Variants in LRRC8A observed in about 807,000 individuals in gnomAD.
The protein encoded by LRRC8A is volume-regulated anion channel subunit LRRC8A.
Under a neutral mutation model 52.5 loss-of-function variants are expected in LRRC8A, and 24 were observed. The observed-to-expected ratio is 0.46, with a 90% CI of 0.33 to 0.64. The LOEUF (loss-of-function observed/expected upper bound fraction) is 0.64. Ranked by LOEUF, LRRC8A falls within the 30% of genes least tolerant of loss-of-function variation. The pLI, the probability that LRRC8A is intolerant of heterozygous loss-of-function variation, is 0.02. For missense variants in LRRC8A, 677 were observed against 1,094.7 expected (o/e 0.62, Z 5.38); for synonymous variants, 492 against 494.2 (o/e 1.00, Z 0.06).
intron 2 of LRRC8A, among the ~76,000 whole-genome samples, chr9:128,896,205 A>G (rs2130968506): frequency 6.6e-6 from 1 of 152,320 alleles, no homozygotes; most frequent in East Asian, 1.9e-4. Flanking sequence ...TGTTTTTTGG[A>G]TCAACATTGC....
intron 2 of LRRC8A, among the ~76,000 whole-genome samples, chr9:128,888,191 CTGT>C (rs1839471367): frequency 1.3e-5 from 2 of 152,174 alleles, no homozygotes; most frequent in Non-Finnish European, 2.9e-5. Context: ...TTGAGGAACT[CTGT>C]CCCCTGGAGA....
intron 2 of LRRC8A, among the ~76,000 whole-genome samples, chr9:128,898,722 G>A (rs1839917210): frequency 6.6e-6 from 1 of 152,256 alleles, no homozygotes; most frequent in African/African-American, 2.4e-5. Context: ...GAGAGGTGAA[G>A]TCACCTGCCC....
chr9:128,903,961 G>GAGGTTGCA (rs1339982951), intron 2 of LRRC8A, among the ~76,000 whole-genome samples: 2 of 152,256 alleles, frequency 1.3e-5, no homozygotes, highest in East Asian at 3.9e-4. Context: ...CCAGGAGGCA[G>GAGGTTGCA]AGGTTGCAGT....
chr9:128,906,611 C>T (rs904043350), intron 2 of LRRC8A, among the ~76,000 whole-genome samples: 4 of 152,136 alleles, frequency 2.6e-5, no homozygotes, highest in African/African-American at 9.7e-5. Flanking sequence ...ACGTGAACCA[C>T]GTGGAATTTT....
rs745809785 is a variant in LRRC8A, at chr9:128,908,436, G to A, written c.1272G>A (p.Ala424=). 3.7e-5 allele frequency: 60 copies of A among 1,613,308 alleles called. No individual in the cohort carries two copies. Among genetic ancestry groups the A allele is most frequent in the Middle Eastern group, 1.6e-4 (1 of 6,084 alleles). ...DKLRQRLTKN[A]QDKLELHLFM... The stretch of plus-strand genomic sequence containing the variant: ...TCCGGCAGCGGCTCACCAAGAACGC[G>A]CAGGACAAGCTGGAGCTGCACCTGT... The change falls in exon 3 of 4, where the codon GCG becomes GCA. Residue 424 remains alanine, a synonymous_variant. Coordinates refer to ENST00000372600, the MANE Select transcript of LRRC8A (RefSeq NM_019594.4).
chr9:128,899,738 C>T lies in LRRC8A; in HGVS notation c.-8-7419C>T, dbSNP rs1213024284. On this transcript the variant is annotated intron_variant, in intron 2 of 3. Transcript: ENST00000372600. This position sits in a 1 kb window ranked among gnomAD's most constrained non-coding sequence, Gnocchi z 4.0. The stretch of plus-strand genomic sequence containing the variant: ...GGAAGTGGGATGGAGTGCTTGGAGG[C>T]GGTGGGAGGAAGGGGTGTCGTGTTT... 6.6e-6 allele frequency among the ~76,000 whole-genome samples: 1 copy of T among 151,904 alleles called. No homozygotes were observed. The highest frequency in any genetic ancestry group is 6.6e-5 in the Admixed American group (1 of 15,238).
In LRRC8A at chr9:128,908,573, G is replaced by A. The variant is rs1363631797; in HGVS notation, c.1409G>A (p.Gly470Asp). The A allele has an allele frequency of 6.2e-7, 1 of 1,612,736 alleles. No individual in the cohort carries two copies. Among genetic ancestry groups the A allele is most frequent in the East Asian group, 2.2e-5 (1 of 44,862 alleles). Residue 470 changes from glycine to aspartate, a missense_variant, in exon 3 of 4, where the codon GGC becomes GAC. Physicochemically the swap from Gly to Asp is moderately conservative, Grantham distance 94 (BLOSUM62 -1). Transcript: ENST00000372600. ...TIPPSIAQLT[G>D]LKELWLYHTA... ...CCGCCCAGCATTGCCCAGCTCACGG[G>A]CCTCAAGGAGCTGTGGCTCTACCAC...
At position 128,916,221 on chromosome 9, in the gene LRRC8A, G is replaced by A. The variant is rs1219279630; in HGVS notation, c.2283G>A (p.Leu761=). Residue 761 remains leucine, a synonymous_variant, in exon 4 of 4, where the codon CTG becomes CTA. Coordinates refer to ENST00000372600, the MANE Select transcript of LRRC8A (RefSeq NM_019594.4). The surrounding 1 kb of genome is among the most constrained non-coding windows in gnomAD (Gnocchi z 6.1). ...TGACCAACCTGACGCAGATCGAGCTGCGGGGCAACCGGCTGGAGTGCCTGC... is the reference window on the plus strand; with the variant it reads ...TGACCAACCTGACGCAGATCGAGCTACGGGGCAACCGGCTGGAGTGCCTGC... ...GELTNLTQIE[L]RGNRLECLPV... 1 of 1,613,546 alleles carries A rather than the reference G, an allele frequency of 6.2e-7. No homozygotes were observed. Among genetic ancestry groups the A allele is most frequent in the Non-Finnish European group, 8.5e-7 (1 of 1,180,000 alleles).
intron 2 of LRRC8A, among the ~76,000 whole-genome samples, chr9:128,888,626 C>T (rs1008584384): frequency 6.6e-6 from 1 of 152,054 alleles, no homozygotes; most frequent in African/African-American, 2.4e-5. Flanking sequence ...GTATAGCTGA[C>T]CTCAGGAAGG....
chr9:128,902,564 G>A lies in LRRC8A; in HGVS notation c.-8-4593G>A, dbSNP rs12003747. On this transcript the variant is annotated intron_variant, in intron 2 of 3. Coordinates refer to ENST00000372600, the MANE Select transcript of LRRC8A (RefSeq NM_019594.4). The surrounding 1 kb of genome is among the most constrained non-coding windows in gnomAD (Gnocchi z 4.1). ...ACATCCTGCCCGCTCAAACAGCCGC[G>A]CCCGCCCTGGCTGTCTCATTCCAGA... Among the ~76,000 whole-genome samples, 8,392 of 152,236 alleles carry A rather than the reference G, an allele frequency of 0.055. 275 individuals are homozygous for A. The highest frequency in any genetic ancestry group is 0.095 in the African/African-American group (3,938 of 41,528).
intron 2 of LRRC8A, among the ~76,000 whole-genome samples, chr9:128,893,571 A>C (rs1415883148): frequency 6.6e-6 from 1 of 152,080 alleles, no homozygotes; most frequent in Non-Finnish European, 1.5e-5. Flanking sequence ...CCAGGAGGTG[A>C]GGACCGCAAG....
At position 128,888,154 on chromosome 9, in the gene LRRC8A, C is replaced by T. The variant is rs117577580; in HGVS notation, c.-9+2033C>T. Among the ~76,000 whole-genome samples, 934 of 152,310 alleles carry T rather than the reference C, an allele frequency of 6.1e-3. 4 individuals are homozygous for T. The highest frequency in any genetic ancestry group is 0.01 in the Non-Finnish European group (702 of 68,032). ...GGATAAGGTCAGCCAACTCCTGGCT[C>T]TGCCCCATAGGAGTTTCCTGTTGGT... On this transcript the variant is annotated intron_variant, in intron 2 of 3. Transcript: ENST00000372600.
At position 128,902,919 on chromosome 9, in the gene LRRC8A, C is replaced by A. The variant is rs772721547; in HGVS notation, c.-8-4238C>A. Among the ~76,000 whole-genome samples, 2 of 152,116 alleles carry A rather than the reference C, an allele frequency of 1.3e-5. No individual in the cohort carries two copies. Among genetic ancestry groups the A allele is most frequent in the Non-Finnish European group, 2.9e-5 (2 of 68,008 alleles). On this transcript the variant is annotated intron_variant, in intron 2 of 3. Transcript: ENST00000372600. This position sits in a 1 kb window ranked among gnomAD's most constrained non-coding sequence, Gnocchi z 4.1. ...GTGGTGTCTGCTGGCCCCTTTGTGA[C>A]CTGAGCGCTGGTAATGCTGAGGGGC...
chr9:128,882,611 T>G (rs1195833729), intron 1 of LRRC8A: 2 of 398,172 alleles, frequency 5.0e-6, no homozygotes, highest in Admixed American at 8.8e-5. Context: ...TTCCTAGAGG[T>G]TCCACCTCTG....
rs1042404178 is a variant in LRRC8A at position 128,901,279 on chromosome 9, A to G, written c.-8-5878A>G. On this transcript the variant is annotated intron_variant, in intron 2 of 3. Coordinates refer to ENST00000372600, the MANE Select transcript of LRRC8A (RefSeq NM_019594.4). ...GGAGATGGAAACCATCCTGGCCAAC[A>G]TAGTGAAACCCCGTCTTGACTAAAA... Among the ~76,000 whole-genome samples the G allele has an allele frequency of 1.9e-4, 29 of 152,150 alleles. 1 individual carries two copies. Among genetic ancestry groups the G allele is most frequent in the Non-Finnish European group, 2.2e-4 (15 of 68,022 alleles).
chr9:128,902,461 A>G lies in LRRC8A; in HGVS notation c.-8-4696A>G, dbSNP rs1479652846. On this transcript the variant is annotated intron_variant, in intron 2 of 3. Transcript: ENST00000372600. This position sits in a 1 kb window ranked among gnomAD's most constrained non-coding sequence, Gnocchi z 4.1. ...CGGCGGGGCTGGGGCGGCTCCTCGC[A>G]GAGGAAGCAGGTGTTTCTGTGAGCG... 1.3e-5 allele frequency among the ~76,000 whole-genome samples: 2 copies of G among 152,108 alleles called. No homozygotes were observed. Among genetic ancestry groups the G allele is most frequent in the African/African-American group, 4.8e-5 (2 of 41,444 alleles).
At chr9:128,886,913 A>T (rs971605957) in intron 2 of LRRC8A, among the ~76,000 whole-genome samples, 3 of 152,042 alleles carry the variant, frequency 2.0e-5, no homozygotes, top group Non-Finnish European at 4.4e-5. Flanking sequence ...TGAGAATCAG[A>T]GTGAGGAAGC....
chr9:128,907,121 C>A lies in LRRC8A; in HGVS notation c.-8-36C>A. 1.9e-6 allele frequency: 3 copies of A among 1,539,696 alleles called. No homozygotes were observed. Among genetic ancestry groups the A allele is most frequent in the Admixed American group, 1.7e-5 (1 of 57,300 alleles). On this transcript the variant is annotated intron_variant, in intron 2 of 3. Coordinates refer to ENST00000372600, the MANE Select transcript of LRRC8A (RefSeq NM_019594.4). The surrounding 1 kb of genome is among the most constrained non-coding windows in gnomAD (Gnocchi z 9.3). ...CCCTGGTCCTAGGAAAGCCAGGCCA[C>A]CCTGTGCTAACCCCCCTCCTATGGC...
chr9:128,887,062 G>A (rs1839425660), intron 2 of LRRC8A, among the ~76,000 whole-genome samples: 1 of 152,136 alleles, frequency 6.6e-6, no homozygotes, highest in Admixed American at 6.5e-5. Context: ...TTGTGTGAAG[G>A]AAGGCCTGAG....
Sources: gnomAD v4.1 joint callset for allele counts (sites outside exome capture counted in the v4.1 genomes callset) on GRCh38, gnomAD v4.1.1 for gene constraint, Gnocchi (gnomAD v3.1) non-coding constraint, MANE v1.5 for transcripts, NCBI Gene and HGNC (gene_info 2026-07-23, HGNC 2026-07-21) for gene names.